The following CCNT2 variants were observed in gnomAD, a reference collection of about 807,000 sequenced individuals.
CCNT2 encodes cyclin T2.
Under a neutral mutation model 70.0 loss-of-function variants are expected in CCNT2, and 18 were observed. The observed-to-expected ratio is 0.26, with a 90% CI of 0.18 to 0.38. The LOEUF (loss-of-function observed/expected upper bound fraction) is 0.38. Ranked by LOEUF, CCNT2 falls within the 10% of genes least tolerant of loss-of-function variation. The pLI, the probability that CCNT2 is intolerant of heterozygous loss-of-function variation, is 1.00. For missense variants in CCNT2, 734 were observed against 890.2 expected (o/e 0.82, Z 2.23); for synonymous variants, 334 against 313.3 (o/e 1.07, Z -0.70).
In CCNT2 at chr2:134,933,842, G is replaced by A. The variant is rs544228772; in HGVS notation, c.241-2999G>A. Among the ~76,000 whole-genome samples, 50 of 152,244 alleles carry A rather than the reference G, an allele frequency of 3.3e-4. No homozygotes were observed. The South Asian group carries it at 5.6e-3, about 17-fold the overall frequency. ...TAGGGAGCACTATTCTAAGTCCTGT[G>A]TATATTGGTTCATTTAATCCTCACA... is the stretch of plus-strand genomic sequence containing the variant. On this transcript the variant is annotated intron_variant, in intron 2 of 8. Coordinates refer to ENST00000264157, the MANE Select transcript of CCNT2 (RefSeq NM_058241.3).
chr2:134,918,876 T>G lies in CCNT2; in HGVS notation c.22T>G (p.Ser8Ala), dbSNP rs753899934. 25 of 1,613,554 alleles carry G rather than the reference T, an allele frequency of 1.5e-5. No individual in the cohort carries two copies. The highest frequency in any genetic ancestry group is 6.7e-5 in the East Asian group (3 of 44,854). MASGRGA[S>A]SRWFFTREQL... Reference sequence around the variant, plus strand: ...TGTCATGGCGTCGGGCCGTGGAGCTTCTTCTCGCTGGTTCTTTACTCGGGA... The same window carrying G: ...TGTCATGGCGTCGGGCCGTGGAGCTGCTTCTCGCTGGTTCTTTACTCGGGA... The change falls in exon 1 of 9, where the codon TCT becomes GCT. Residue 8 changes from serine to alanine, a missense_variant. Ser to Ala is a moderately conservative substitution (Grantham distance 99, BLOSUM62 1). Around this residue, in one of 3 missense-constraint regions of CCNT2, gnomAD observed 41 missense variants for 29.5 expected, o/e 1.39. Transcript: ENST00000264157.
At chr2:134,947,990 T>A (rs1682121473) in intron 7 of CCNT2, 91 bp downstream of exon 7, 3 of 623,988 alleles carry the variant, frequency 4.8e-6, no homozygotes, top group African/African-American at 1.9e-5. Flanking sequence ...CACTATCAGA[T>A]GAACAGAATG....
rs1439380794 is a variant in CCNT2, at chr2:134,953,859, G to T, written c.1404G>T (p.Gly468=). The T allele has an allele frequency of 6.2e-7, 1 of 1,613,866 alleles. No homozygotes were observed. Among genetic ancestry groups the T allele is most frequent in the Non-Finnish European group, 8.5e-7 (1 of 1,180,018 alleles). ...AGGTAGAACAGCAGCACAAACAAGG[G>T]CAGTCACAGGCAGCCAGCAGCAGTT... ...AAQVEQQHKQ[G]QSQAASSSSV... is the part of the protein sequence containing the mutation. The change falls in exon 9 of 9, where the codon GGG becomes GGT. Residue 468 remains glycine, a synonymous_variant. Coordinates refer to ENST00000264157, the MANE Select transcript of CCNT2 (RefSeq NM_058241.3).
chr2:134,941,108 G>A (rs947816840), intron 4 of CCNT2, among the ~76,000 whole-genome samples: 23 of 152,208 alleles, frequency 1.5e-4, no homozygotes, highest in African/African-American at 5.3e-4. Flanking sequence ...GAAGCTTAAA[G>A]CAAAGGGAAG....
chr2:134,923,716 GGTAAA>G, intron 2 of CCNT2, among the ~76,000 whole-genome samples: 1 of 152,278 alleles, frequency 6.6e-6, no homozygotes, highest in African/African-American at 2.4e-5. Flanking sequence ...TGTTTTCTCA[GGTAAA>G]GTATTCTCCT....
At position 134,954,588 on chromosome 2, in the gene CCNT2, C is replaced by G; in HGVS notation, c.2133C>G (p.Asp711Glu). Residue 711 changes from aspartate to glutamate, a missense_variant, in exon 9 of 9, where the codon GAC becomes GAG. Asp to Glu is a conservative substitution (Grantham distance 45). Around this residue, in one of 3 missense-constraint regions of CCNT2, gnomAD observed 532 missense variants for 556.9 expected, o/e 0.96. Transcript: ENST00000264157. ...ACAGTACAAGCAGCCAGCATATGGA[C>G]TACAAAGACACATTCGACATGCTGG... ...HEYSTSSQHM[D>E]YKDTFDMLDS... 4 of 1,614,070 alleles carry G rather than the reference C, an allele frequency of 2.5e-6. No homozygotes were observed. The highest frequency in any genetic ancestry group is 3.4e-6 in the Non-Finnish European group (4 of 1,179,918).
chr2:134,926,146 T>C (rs766155822), intron 2 of CCNT2, among the ~76,000 whole-genome samples: 1 of 152,116 alleles, frequency 6.6e-6, no homozygotes, highest in Non-Finnish European at 1.5e-5. Flanking sequence ...CTAAAGCAGC[T>C]CTTTCCAGTG....
Position 134,952,583 on chromosome 2 carries a change from A to G in CCNT2, c.704-58A>G, listed in dbSNP as rs931099170. The G allele has an allele frequency of 8.7e-6, 9 of 1,029,550 alleles. No individual in the cohort carries two copies. In the African/African-American group the frequency reaches 1.5e-4, roughly 17 times the overall value. The allele number at this position is 1,029,550 out of a possible 1,614,324, so 63.8% of individuals were successfully genotyped here. A position where few individuals can be genotyped will look rare whatever the true frequency, so the allele number is the denominator to read the frequency against. Reference sequence around the variant, plus strand: ...ATTCCTTTTTAATACTGCCCACTTAAGAGAAATTTAAATCCTAAAGGCACC... The same window carrying G: ...ATTCCTTTTTAATACTGCCCACTTAGGAGAAATTTAAATCCTAAAGGCACC... On this transcript the variant is annotated intron_variant, in intron 7 of 8. Coordinates refer to ENST00000264157, the MANE Select transcript of CCNT2 (RefSeq NM_058241.3).
At chr2:134,952,762 T>C in intron 8 of CCNT2, 51 bp downstream of exon 8, 2 of 1,270,048 alleles carry the variant, frequency 1.6e-6, no homozygotes. Flanking sequence ...ATGTAACATT[T>C]ACATAGCTAA....
intron 2 of CCNT2, among the ~76,000 whole-genome samples, chr2:134,922,409 G>A (rs958692236): frequency 2.6e-5 from 4 of 152,160 alleles, no homozygotes; most frequent in African/African-American, 9.7e-5. Context: ...CAAAAGTAAT[G>A]TGCTGCTGTA....
chr2:134,923,796 G>T (rs1473147803), intron 2 of CCNT2, among the ~76,000 whole-genome samples: 2 of 152,168 alleles, frequency 1.3e-5, no homozygotes. Context: ...GCTGGGATTT[G>T]AACCCAAGTC....
chr2:134,936,857 C>T lies in CCNT2; in HGVS notation c.257C>T (p.Ala86Val), dbSNP rs1681194048. The change falls in exon 3 of 9, where the codon GCA becomes GTA. Residue 86 changes from alanine (A) to valine (V), a missense_variant. Transcript: ENST00000264157. The part of the protein sequence containing the change: ...KFNKNIISST[A>V]LFLAAKVEEQ... ...TTTCTGCAGATAATATCGTCTACTG[C>T]ATTATTTTTGGCTGCAAAAGTGGAA... is the stretch of plus-strand genomic sequence containing the variant. The T allele has an allele frequency of 6.2e-7, 1 of 1,613,136 alleles. No individual in the cohort carries two copies. The highest frequency in any genetic ancestry group is 8.5e-7 in the Non-Finnish European group (1 of 1,179,378).
At chr2:134,935,173 T>A (rs1390861940) in intron 2 of CCNT2, among the ~76,000 whole-genome samples, 1 of 152,230 alleles carries the variant, frequency 6.6e-6, no homozygotes, top group African/African-American at 2.4e-5. Flanking sequence ...TTTTGAGCAT[T>A]CTCAATTTTT....
chr2:134,930,706 A>G (rs1437800765), intron 2 of CCNT2, among the ~76,000 whole-genome samples: 1 of 151,754 alleles, frequency 6.6e-6, no homozygotes, highest in Non-Finnish European at 1.5e-5. Context: ...TAGCCATCCT[A>G]ACAGTGTGAA....
intron 4 of CCNT2, among the ~76,000 whole-genome samples, chr2:134,939,987 A>G (rs10187990): frequency 0.59 from 90,181 of 151,986 alleles, 28,649 homozygotes; most frequent in Middle Eastern, 0.91. Context: ...GGGGAGATCC[A>G]AGTTAAAATC....
intron 7 of CCNT2, among the ~76,000 whole-genome samples, chr2:134,950,392 G>T (rs1299657154): frequency 6.6e-6 from 1 of 152,150 alleles, no homozygotes; most frequent in African/African-American, 2.4e-5. Flanking sequence ...AGACATGAAG[G>T]TGTGGCCGGG....
intron 2 of CCNT2, among the ~76,000 whole-genome samples, chr2:134,923,134 A>AGCTGG (rs1179615546): frequency 2.0e-5 from 3 of 152,240 alleles, no homozygotes; most frequent in African/African-American, 7.2e-5. Context: ...TATAAAAATT[A>AGCTGG]GCTGGGTGTG....
chr2:134,919,252 T>C (rs1402315213), intron 1 of CCNT2, among the ~76,000 whole-genome samples: 1 of 151,822 alleles, frequency 6.6e-6, no homozygotes, highest in Admixed American at 6.6e-5. Context: ...GGGCAGCGCG[T>C]GGTGGTGGCG....
Position 134,954,551 on chromosome 2 carries a change from C to T in CCNT2, c.2096C>T (p.Ala699Val). 1 of 1,613,888 alleles carries T rather than the reference C, an allele frequency of 6.2e-7. No homozygotes were observed. The change falls in exon 9 of 9, where the codon GCC becomes GTC. Residue 699 changes from alanine (A) to valine (V), a missense_variant. Physicochemically the swap from Ala to Val is moderately conservative, Grantham distance 64. Transcript: ENST00000264157. ...CCAGTGGAGACCAACGGTCCTGATG[C>T]CAATCACGAGTACAGTACAAGCAGC... ...KKPVETNGPD[A>V]NHEYSTSSQH...
Sources: allele counts gnomAD v4.1 joint callset (sites outside exome capture counted in the v4.1 genomes callset), GRCh38; gene constraint gnomAD v4.1.1; regional missense constraint gnomAD v4.1.1; transcripts MANE v1.5; gene names NCBI Gene and HGNC (gene_info 2026-07-23, HGNC 2026-07-21).